GNPAT: variants seen among roughly 807,000 people sequenced by gnomAD.
The protein encoded by GNPAT is glyceronephosphate O-acyltransferase.
GNPAT carries 30 observed loss-of-function variants against 78.4 expected under a neutral mutation model. The ratio of observed to expected loss-of-function variants is 0.38; its 90% CI spans 0.29 to 0.52. The LOEUF (loss-of-function observed/expected upper bound fraction) is 0.52, where lower values mean the gene tolerates loss of function less well. Ranked by LOEUF, GNPAT falls within the 20% of genes least tolerant of loss-of-function variation. GNPAT has a pLI of 0.84. For missense variants in GNPAT, 714 were observed against 812.2 expected (o/e 0.88, Z 1.47); for synonymous variants, 271 against 281.1 (o/e 0.96, Z 0.36).
rs1685759105 is a variant in GNPAT at position 231,277,806 on chromosome 1, CA to C, written c.*265del. ...GAAACATGTTTGGAAAAGCAAAGCT[CA>C]GCTCATTTCACTAACACTTTTCAGC... On this transcript the variant is annotated 3_prime_UTR_variant, in exon 16 of 16. Transcript: ENST00000366647. 2 of 426,896 alleles carry C rather than the reference CA, an allele frequency of 4.7e-6. No individual in the cohort carries two copies. The highest frequency in any genetic ancestry group is 2.0e-5 in the African/African-American group (1 of 50,340). The allele number at this position is 426,896 out of a possible 1,614,324, so 26.4% of individuals were successfully genotyped here.
chr1:231,271,104 T>A, intron 10 of GNPAT, 104 bp downstream of exon 10: 1 of 1,286,254 alleles, frequency 7.8e-7, no homozygotes, highest in Non-Finnish European at 1.1e-6. Context: ...CTCACGCCGG[T>A]GAAGAGCAGG....
At chr1:231,272,145 G>T (rs1172350273) in intron 10 of GNPAT, among the ~76,000 whole-genome samples, 167 bp from the exon 11 acceptor site, 2 of 152,146 alleles carry the variant, frequency 1.3e-5, no homozygotes, top group African/African-American at 4.8e-5. Flanking sequence ...TGCTCTGTGG[G>T]TAAGATTTGG....
At chr1:231,250,906 T>G (rs1318049328) in intron 1 of GNPAT, 55 bp from the exon 2 acceptor site, 2 of 1,130,996 alleles carry the variant, frequency 1.8e-6, no homozygotes, top group Non-Finnish European at 2.7e-6. Context: ...TAGTCTTTAA[T>G]CTGTCCTGAT....
intron 15 of GNPAT, 66 bp downstream of exon 15, chr1:231,276,262 C>T (rs1232553256): frequency 1.3e-6 from 1 of 780,640 alleles, no homozygotes; most frequent in African/African-American, 1.7e-5. Context: ...AGAAAGTATA[C>T]TGTGGCACCA....
intron 14 of GNPAT, among the ~76,000 whole-genome samples, 188 bp from the exon 15 acceptor site, chr1:231,275,947 T>C (rs1685701245): frequency 6.6e-6 from 1 of 152,188 alleles, no homozygotes; most frequent in South Asian, 2.1e-4. Context: ...ATGTCTCTTA[T>C]GTGGTCAGAA....
At chr1:231,263,089 G>A (rs1685270251) in intron 4 of GNPAT, among the ~76,000 whole-genome samples, 1 of 152,064 alleles carries the variant, frequency 6.6e-6, no homozygotes, top group Non-Finnish European at 1.5e-5. Flanking sequence ...AAATGAGACT[G>A]CACTACTTAC....
At chr1:231,257,188 C>T (rs935364533) in intron 2 of GNPAT, among the ~76,000 whole-genome samples, 3 of 152,182 alleles carry the variant, frequency 2.0e-5, no homozygotes, top group African/African-American at 4.8e-5. Flanking sequence ...CTATTCATTT[C>T]GTTCTAATTC....
intron 2 of GNPAT, among the ~76,000 whole-genome samples, chr1:231,258,490 C>T (rs1685127535): frequency 6.6e-6 from 1 of 152,268 alleles, no homozygotes; most frequent in Middle Eastern, 3.4e-3. Flanking sequence ...TCCCTTTCCT[C>T]TATCTTCAGC....
chr1:231,270,814 G>T lies in GNPAT; in HGVS notation c.1336G>T (p.Ala446Ser), dbSNP rs529376333. 2.4e-5 allele frequency: 38 copies of T among 1,614,034 alleles called. No individual in the cohort carries two copies. Among genetic ancestry groups the T allele is most frequent in the Non-Finnish European group, 3.2e-5 (38 of 1,179,922 alleles). The change falls in exon 10 of 16, where the codon GCC becomes TCC. Residue 446 changes from alanine to serine, a missense_variant. Transcript: ENST00000366647. ...CAGCATTCTTCTGCATTCCAACATTGCCAGCCTTGTCAAAGACCAGGTGAT... is the reference window on the plus strand; with the variant it reads ...CAGCATTCTTCTGCATTCCAACATTTCCAGCCTTGTCAAAGACCAGGTGAT... ...PASILLHSNI[A>S]SLVKDQVILK...
At chr1:231,261,905 T>G (rs1296063412) in intron 3 of GNPAT, among the ~76,000 whole-genome samples, 2 of 152,250 alleles carry the variant, frequency 1.3e-5, no homozygotes, top group Non-Finnish European at 2.9e-5. Flanking sequence ...TTCTTCTTCC[T>G]ACTGACTGTT....
rs529376333 is a variant in GNPAT at position 231,270,814 on chromosome 1, G to A, written c.1336G>A (p.Ala446Thr). Residue 446 changes from alanine to threonine, a missense_variant, in exon 10 of 16, where the codon GCC (alanine) becomes ACC (threonine). Ala to Thr is a moderately conservative substitution (Grantham distance 58). Coordinates refer to ENST00000366647, the MANE Select transcript of GNPAT (RefSeq NM_014236.4). Reference protein sequence around the residue: ...PASILLHSNIASLVKDQVILK... With the variant: ...PASILLHSNITSLVKDQVILK... ...CAGCATTCTTCTGCATTCCAACATT[G>A]CCAGCCTTGTCAAAGACCAGGTGAT... is the stretch of plus-strand genomic sequence containing the variant. The A allele has an allele frequency of 6.2e-7, 1 of 1,614,034 alleles. No homozygotes were observed. Among genetic ancestry groups the A allele is most frequent in the South Asian group, 1.1e-5 (1 of 91,064 alleles).
intron 9 of GNPAT, among the ~76,000 whole-genome samples, chr1:231,268,751 C>G (rs561178856): frequency 1.7e-3 from 251 of 150,066 alleles, no homozygotes; most frequent in African/African-American, 5.9e-3. Flanking sequence ...ACTAAAAACA[C>G]AAAAATTAGC....
At chr1:231,272,612 G>C (rs1685598982) in intron 11 of GNPAT, among the ~76,000 whole-genome samples, 1 of 152,072 alleles carries the variant, frequency 6.6e-6, no homozygotes, top group Admixed American at 6.5e-5. Flanking sequence ...TGAGAGGAGA[G>C]TCATTCTTTG....
rs546114860 is a variant in GNPAT at position 231,241,243 on chromosome 1, C to T, written c.-136C>T. Reference sequence around the variant, plus strand: ...TGGCTGAGATGGCGGCGCCCGGGATCCTGTGTAGCGGCTGCAGAGGGTGCC... The same window carrying T: ...TGGCTGAGATGGCGGCGCCCGGGATTCTGTGTAGCGGCTGCAGAGGGTGCC... On this transcript the variant is annotated 5_prime_UTR_variant, in exon 1 of 16. Coordinates refer to ENST00000366647, the MANE Select transcript of GNPAT (RefSeq NM_014236.4). 2.0e-4 allele frequency: 289 copies of T among 1,465,004 alleles called. 1 individual carries two copies. The African/African-American group carries it at 3.7e-3, about 19-fold the overall frequency. 90.8% of individuals were successfully genotyped at this position (1,465,004 alleles called of 1,614,324 possible).
intron 10 of GNPAT, 38 bp downstream of exon 10, chr1:231,271,038 G>A: frequency 6.2e-7 from 1 of 1,611,330 alleles, no homozygotes; most frequent in Non-Finnish European, 8.5e-7. Context: ...TTTAGAAGAG[G>A]TCTGGCCATT....
At chr1:231,249,886 G>A (rs552021378) in intron 1 of GNPAT, among the ~76,000 whole-genome samples, 10 of 152,160 alleles carry the variant, frequency 6.6e-5, no homozygotes, top group Admixed American at 3.3e-4. Context: ...ATTGGTAGAC[G>A]TGTAAAGAGC....
At chr1:231,245,760 G>A (rs988220289) in intron 1 of GNPAT, among the ~76,000 whole-genome samples, 1 of 152,114 alleles carries the variant, frequency 6.6e-6, no homozygotes, top group Admixed American at 6.5e-5. Flanking sequence ...ACCTGAGGTC[G>A]GGAGCTCGCG....
intron 2 of GNPAT, among the ~76,000 whole-genome samples, chr1:231,257,036 T>C (rs1372209137): frequency 6.6e-6 from 1 of 152,204 alleles, no homozygotes; most frequent in Non-Finnish European, 1.5e-5. Context: ...AGTCTTATAT[T>C]AGGTTTCTAT....
intron 2 of GNPAT, among the ~76,000 whole-genome samples, chr1:231,253,003 C>G (rs913648027): frequency 6.6e-6 from 1 of 152,166 alleles, no homozygotes; most frequent in Non-Finnish European, 1.5e-5. Context: ...GAGTCTTACT[C>G]TGTTGCCCAG....
Sources: gnomAD v4.1 joint callset for allele counts (sites outside exome capture counted in the v4.1 genomes callset) on GRCh38, gnomAD v4.1.1 for gene constraint, MANE v1.5 for transcripts, NCBI Gene and HGNC (gene_info 2026-07-23, HGNC 2026-07-21) for gene names.